Variants in GORASP1 observed in about 807,000 individuals in gnomAD.
The protein encoded by GORASP1 is Golgi reassembly-stacking protein 1.
Under a neutral mutation model 37.7 loss-of-function variants are expected in GORASP1, and 31 were observed. The observed-to-expected ratio is 0.82, with a 90% CI of 0.62 to 1.11. GORASP1 has a LOEUF of 1.11. GORASP1 is among the 50% of genes least tolerant of loss of function. GORASP1 has a pLI of 0.00. For synonymous variants in GORASP1, 204 were observed against 224.8 expected (o/e 0.91, Z 0.83); for missense variants, 476 against 560.7 (o/e 0.85, Z 1.53).
chr3:39,099,244 G>T, intron 7 of GORASP1, 109 bp downstream of exon 7: 1 of 1,189,268 alleles, frequency 8.4e-7, no homozygotes, highest in African/African-American at 1.5e-5. Context: ...AAATATCTTG[G>T]TATACATGAG....
Position 39,103,354 on chromosome 3 carries a change from G to T in GORASP1, c.144+119C>A. On this transcript the variant is annotated intron_variant, in intron 2 of 8. Coordinates refer to ENST00000319283, the MANE Select transcript of GORASP1 (RefSeq NM_031899.4). The surrounding 1 kb of genome is among the most constrained non-coding windows in gnomAD (Gnocchi z 5.2). Reference sequence around the variant, plus strand: ...ACAGCCCTGGAAGAAGGGGAGACAGGGCTGGGACTCCCTTTAGAAAAAAAG... The same window carrying T: ...ACAGCCCTGGAAGAAGGGGAGACAGTGCTGGGACTCCCTTTAGAAAAAAAG... 1.4e-6 allele frequency: 1 copy of T among 725,684 alleles called. No individual in the cohort carries two copies. Among genetic ancestry groups the T allele is most frequent in the Non-Finnish European group, 2.3e-6 (1 of 431,484 alleles). The allele number at this position is 725,684 out of a possible 1,614,324, so 45.0% of individuals were successfully genotyped here. A position where few individuals can be genotyped will look rare whatever the true frequency, so the allele number is the denominator to read the frequency against.
At chr3:39,099,135 T>G in intron 7 of GORASP1, 1 of 780,146 alleles carries the variant, frequency 1.3e-6, no homozygotes, top group East Asian at 2.7e-5. Context: ...TAGACTCTGC[T>G]CTGTGTCCAA....
chr3:39,106,240 G>A (rs2036062747), intron 1 of GORASP1, among the ~76,000 whole-genome samples: 1 of 152,120 alleles, frequency 6.6e-6, no homozygotes, highest in Non-Finnish European at 1.5e-5. Context: ...TCAAAACTTT[G>A]TTTTTGTGAC....
chr3:39,107,415 G>C, intron 1 of GORASP1, 64 bp downstream of exon 1: 1 of 1,103,466 alleles, frequency 9.1e-7, no homozygotes, highest in Non-Finnish European at 1.2e-6. Context: ...GCCGGCGACC[G>C]GACGCCCGGG....
At chr3:39,099,618 T>A in intron 6 of GORASP1, 115 bp from the exon 7 acceptor site, 1 of 1,117,900 alleles carries the variant, frequency 8.9e-7, no homozygotes, top group Non-Finnish European at 1.3e-6. Context: ...CTGCTCTGCC[T>A]AAAGGAAGGA....
chr3:39,098,899 G>A lies in GORASP1; in HGVS notation c.917-6C>T, dbSNP rs371480677. On this transcript the variant is annotated splice_region_variant and splice_polypyrimidine_tract_variant and intron_variant, in intron 7 of 8. Coordinates refer to ENST00000319283, the MANE Select transcript of GORASP1 (RefSeq NM_031899.4). The surrounding 1 kb of genome is among the most constrained non-coding windows in gnomAD (Gnocchi z 4.7). ...TCCCGACACGTCCAGGAAGCCTAGGGGAGGGTGGTGCAGTTCTTTGCCAGC... is the reference window on the plus strand; with the variant it reads ...TCCCGACACGTCCAGGAAGCCTAGGAGAGGGTGGTGCAGTTCTTTGCCAGC... 4.5e-5 allele frequency: 72 copies of A among 1,613,596 alleles called. No individual in the cohort carries two copies. The highest frequency in any genetic ancestry group is 5.9e-5 in the Non-Finnish European group (70 of 1,179,880).
Position 39,102,365 on chromosome 3 carries a change from A to G in GORASP1, c.348+313T>C, listed in dbSNP as rs749566792. On this transcript the variant is annotated intron_variant, in intron 3 of 8. Coordinates refer to ENST00000319283, the MANE Select transcript of GORASP1 (RefSeq NM_031899.4). This position sits in a 1 kb window ranked among gnomAD's most constrained non-coding sequence, Gnocchi z 5.0. ...CACAGAGAATAATAAAAGCAGCAGCATTCCAGCAGTCCAACCACCATTCCA... is the reference window on the plus strand; with the variant it reads ...CACAGAGAATAATAAAAGCAGCAGCGTTCCAGCAGTCCAACCACCATTCCA... 2.4e-5 allele frequency: 12 copies of G among 492,632 alleles called. No homozygotes were observed. The highest frequency in any genetic ancestry group is 6.7e-5 in the Admixed American group (2 of 29,818). 30.5% of individuals were successfully genotyped at this position (492,632 alleles called of 1,614,324 possible). A position where few individuals can be genotyped will look rare whatever the true frequency, so the allele number is the denominator to read the frequency against.
Position 39,100,555 on chromosome 3 carries a change from TA to T in GORASP1, c.567-53del, listed in dbSNP as rs1203848121. 1 of 1,511,616 alleles carries T rather than the reference TA, an allele frequency of 6.6e-7. No individual in the cohort carries two copies. The highest frequency in any genetic ancestry group is 8.9e-7 in the Non-Finnish European group (1 of 1,127,114). The allele number at this position is 1,511,616 out of a possible 1,614,324, so 93.6% of individuals were successfully genotyped here. On this transcript the variant is annotated intron_variant, in intron 5 of 8. Coordinates refer to ENST00000319283, the MANE Select transcript of GORASP1 (RefSeq NM_031899.4). The surrounding 1 kb of genome is among the most constrained non-coding windows in gnomAD (Gnocchi z 4.6). Reference sequence around the variant, plus strand: ...CAGGGGCTTGTCCCACGGCCCTCCCTACCTTTGCTATCCCCACCTACTACCA... The same window carrying T: ...CAGGGGCTTGTCCCACGGCCCTCCCTCCTTTGCTATCCCCACCTACTACCA...
rs1309370922 is a variant in GORASP1, at chr3:39,097,191, G to C, written c.*1045C>G. 2.6e-5 allele frequency: 4 copies of C among 152,246 alleles called. No individual in the cohort carries two copies. Among genetic ancestry groups the C allele is most frequent in the Admixed American group, 2.6e-4 (4 of 15,284 alleles). 9.4% of individuals were successfully genotyped at this position (152,246 alleles called of 1,614,324 possible). A position where few individuals can be genotyped will look rare whatever the true frequency, so the allele number is the denominator to read the frequency against. ...ATTACAAATGATCCTGTAAAGGTGAGACTTTCAACTAGGCACAAGCTAGAA... is the reference window on the plus strand; with the variant it reads ...ATTACAAATGATCCTGTAAAGGTGACACTTTCAACTAGGCACAAGCTAGAA... On this transcript the variant is annotated 3_prime_UTR_variant, in exon 9 of 9. Transcript: ENST00000319283.
At position 39,107,502 on chromosome 3, in the gene GORASP1, C is replaced by G; in HGVS notation, c.40G>C (p.Ala14Pro). Residue 14 changes from alanine to proline, a missense_variant, in exon 1 of 9, where the codon GCC becomes CCC. Transcript: ENST00000319283. Reference sequence around the variant, plus strand: ...ACCCCGTGGAGGTGGAAGCCCTCGGCGCCGCCTGCGGGCTGCTCAGCGCTG... The same window carrying G: ...ACCCCGTGGAGGTGGAAGCCCTCGGGGCCGCCTGCGGGCTGCTCAGCGCTG... Reference protein sequence around the residue: ...GVSAEQPAGGAEGFHLHGVQE... With the variant: ...GVSAEQPAGGPEGFHLHGVQE... The G allele has an allele frequency of 6.8e-7, 1 of 1,460,130 alleles. No homozygotes were observed. The highest frequency in any genetic ancestry group is 9.0e-7 in the Non-Finnish European group (1 of 1,114,884). 90.4% of individuals were successfully genotyped at this position (1,460,130 alleles called of 1,614,324 possible).
rs2035840779 is a variant in GORASP1 at position 39,103,383 on chromosome 3, G to A, written c.144+90C>T. The A allele has an allele frequency of 1.0e-6, 1 of 961,548 alleles. No individual in the cohort carries two copies. Among genetic ancestry groups the A allele is most frequent in the Non-Finnish European group, 1.6e-6 (1 of 625,622 alleles). The allele number at this position is 961,548 out of a possible 1,614,324, so 59.6% of individuals were successfully genotyped here. ...GGGACTCCCTTTAGAAAAAAAGGGA[G>A]GGAAGGGTAGACTGGGGCCCCCTGT... On this transcript the variant is annotated intron_variant, in intron 2 of 8. Transcript: ENST00000319283. The surrounding 1 kb of genome is among the most constrained non-coding windows in gnomAD (Gnocchi z 5.2).
Position 39,100,667 on chromosome 3 carries a change from C to T in GORASP1, c.566+80G>A, listed in dbSNP as rs560310638. On this transcript the variant is annotated intron_variant, in intron 5 of 8. Transcript: ENST00000319283. The surrounding 1 kb of genome is among the most constrained non-coding windows in gnomAD (Gnocchi z 4.6). The stretch of plus-strand genomic sequence containing the variant: ...CCAGGGCCCAACCCTCCTCCATCTC[C>T]ACCATAGAACTCTGAGGTCCATGCC... The T allele has an allele frequency of 2.1e-4, 333 of 1,557,304 alleles. 5 individuals carry two copies. The South Asian group carries it at 3.8e-3, about 18-fold the overall frequency.
At chr3:39,099,633 G>A in intron 6 of GORASP1, 130 bp from the exon 7 acceptor site, 1 of 1,023,250 alleles carries the variant, frequency 9.8e-7, no homozygotes, top group East Asian at 2.6e-5. Flanking sequence ...GAAGGAAATG[G>A]CCTTAATAAA....
At chr3:39,106,724 C>T (rs1321591274) in intron 1 of GORASP1, among the ~76,000 whole-genome samples, 1 of 152,082 alleles carries the variant, frequency 6.6e-6, no homozygotes, top group African/African-American at 2.4e-5. Context: ...ATAGCCCTTC[C>T]CTCACCGCAG....
At chr3:39,107,374 C>G (rs138296442) in intron 1 of GORASP1, 105 bp downstream of exon 1, 45 of 736,238 alleles carry the variant, frequency 6.1e-5, no homozygotes, top group Middle Eastern at 4.5e-4. Flanking sequence ...CGGAAACACT[C>G]GGGCCGGGAC....
Position 39,100,765 on chromosome 3 carries a change from G to A in GORASP1, c.548C>T (p.Ala183Val). Residue 183 changes from alanine (A) to valine (V), a missense_variant, in exon 5 of 9, where the codon GCC (alanine) becomes GTC (valine). Transcript: ENST00000319283. The surrounding 1 kb of genome is among the most constrained non-coding windows in gnomAD (Gnocchi z 4.6). Reference sequence around the variant, plus strand: ...GAAGTACCTGCCCTCTCCACCCCAGGCTGCGTTGGGAGTTACAGTCACCTC... The same window carrying A: ...GAAGTACCTGCCCTCTCCACCCCAGACTGCGTTGGGAGTTACAGTCACCTC... ...CREVTVTPNAAWGGEGSLGCG... is the reference protein window; with the variant it reads ...CREVTVTPNAVWGGEGSLGCG... 1.2e-6 allele frequency: 2 copies of A among 1,613,922 alleles called. No individual in the cohort carries two copies. Among genetic ancestry groups the A allele is most frequent in the East Asian group, 2.2e-5 (1 of 44,882 alleles).
Position 39,103,558 on chromosome 3 carries a change from C to T in GORASP1, c.64-5G>A, listed in dbSNP as rs776563703. The T allele has an allele frequency of 3.1e-6, 5 of 1,608,824 alleles. No individual in the cohort carries two copies. Among genetic ancestry groups the T allele is most frequent in the Non-Finnish European group, 4.2e-6 (5 of 1,178,194 alleles). On this transcript the variant is annotated splice_polypyrimidine_tract_variant and splice_region_variant and intron_variant, in intron 1 of 8. Transcript: ENST00000319283. The surrounding 1 kb of genome is among the most constrained non-coding windows in gnomAD (Gnocchi z 5.2). ...GGCTGGGGAGTTCTCCTGCACCTAT[C>T]CCACAGCAAAGACCACAGTCACTGC... is the stretch of plus-strand genomic sequence containing the variant.
At chr3:39,107,327 G>A (rs1271490039) in intron 1 of GORASP1, 152 bp downstream of exon 1, 1 of 487,156 alleles carries the variant, frequency 2.1e-6, no homozygotes, top group Non-Finnish European at 3.4e-6. Flanking sequence ...CTCCCAGGAG[G>A]CTCCCACCGG....
rs575155123 is a variant in GORASP1, at chr3:39,103,398, G to A, written c.144+75C>T. On this transcript the variant is annotated intron_variant, in intron 2 of 8. Coordinates refer to ENST00000319283, the MANE Select transcript of GORASP1 (RefSeq NM_031899.4). This position sits in a 1 kb window ranked among gnomAD's most constrained non-coding sequence, Gnocchi z 5.2. Reference sequence around the variant, plus strand: ...AAAAAAGGGAGGGAAGGGTAGACTGGGGCCCCCTGTGGGACAGATGAAGAC... The same window carrying A: ...AAAAAAGGGAGGGAAGGGTAGACTGAGGCCCCCTGTGGGACAGATGAAGAC... 4.9e-4 allele frequency: 616 copies of A among 1,250,146 alleles called. 2 individuals are homozygous for A. The highest frequency in any genetic ancestry group is 1.2e-3 in the Admixed American group (58 of 47,340). 77.4% of individuals were successfully genotyped at this position (1,250,146 alleles called of 1,614,324 possible).
Sources: allele counts gnomAD v4.1 joint callset (sites outside exome capture counted in the v4.1 genomes callset), GRCh38; gene constraint gnomAD v4.1.1; non-coding constraint Gnocchi (gnomAD v3.1); transcripts MANE v1.5; gene names NCBI Gene and HGNC (gene_info 2026-07-23, HGNC 2026-07-21).